The following PCDH7 variants were observed in gnomAD, a reference collection of about 807,000 sequenced individuals.
PCDH7 encodes the protein protocadherin-7.
In PCDH7, 17 loss-of-function variants were observed where a neutral mutation model predicts 58.9. The observed-to-expected ratio is 0.29, with a 90% CI of 0.20 to 0.43. The LOEUF (loss-of-function observed/expected upper bound fraction) is 0.43, where lower values mean the gene tolerates loss of function less well. PCDH7 is among the 20% of genes least tolerant of loss of function. The pLI, the probability that PCDH7 is intolerant of heterozygous loss-of-function variation, is 1.00. For synonymous variants in PCDH7, 664 were observed against 616.4 expected, an observed-to-expected ratio of 1.08 and a Z score of -1.14; for missense variants, 1,274 against 1,441.0, an observed-to-expected ratio of 0.88 and a Z score of 1.88.
chr4:30,774,733 T>A (rs758230827), intron 1 of PCDH7, among the ~76,000 whole-genome samples: 16 of 152,212 alleles, frequency 1.1e-4, no homozygotes, highest in Non-Finnish European at 2.2e-4. Flanking sequence ...AATAGAAGAT[T>A]TCTGCTCTTA....
chr4:30,865,086 T>G (rs1298010052), intron 1 of PCDH7, among the ~76,000 whole-genome samples: 2 of 152,042 alleles, frequency 1.3e-5, no homozygotes, highest in Admixed American at 1.3e-4. Context: ...AGTTGCTTAG[T>G]GCTTATTTTT....
chr4:31,088,323 TG>T (rs1712746642), intron 3 of PCDH7, among the ~76,000 whole-genome samples: 1 of 152,072 alleles, frequency 6.6e-6, no homozygotes, highest in South Asian at 2.1e-4. Flanking sequence ...TGACTTTAGG[TG>T]TCCTGTTATC....
At chr4:30,962,666 C>G (rs1407413976) in intron 3 of PCDH7, among the ~76,000 whole-genome samples, 1 of 149,702 alleles carries the variant, frequency 6.7e-6, no homozygotes, top group Non-Finnish European at 1.5e-5. Flanking sequence ...TCTGTAGTGG[C>G]AGCTATTCTG....
At chr4:31,136,905 A>G (rs920211630) in intron 3 of PCDH7, among the ~76,000 whole-genome samples, 6 of 35,934 alleles carry the variant, frequency 1.7e-4, no homozygotes, top group Admixed American at 1.4e-3. Context: ...GTTAACCAGC[A>G]TTTAATTATT....
intron 1 of PCDH7, among the ~76,000 whole-genome samples, chr4:30,785,700 C>T (rs1471199085): frequency 6.6e-6 from 1 of 151,948 alleles, no homozygotes; most frequent in African/African-American, 2.4e-5. Flanking sequence ...GTCCAACATT[C>T]AGTGAAATAA....
At chr4:30,949,573 C>T (rs1403182519) in intron 2 of PCDH7, among the ~76,000 whole-genome samples, 2 of 152,052 alleles carry the variant, frequency 1.3e-5, no homozygotes, top group African/African-American at 4.8e-5. Context: ...AGTTTGACCT[C>T]CTCCAGTATA....
chr4:30,748,967 A>G (rs779159934), intron 1 of PCDH7, among the ~76,000 whole-genome samples: 6 of 152,106 alleles, frequency 3.9e-5, no homozygotes, highest in Non-Finnish European at 7.4e-5. Context: ...CTCTCTTACA[A>G]CTATGTCATA....
rs530891880 is a variant in PCDH7 at position 31,081,443 on chromosome 4, A to G, written c.*8-61030A>G. Among the ~76,000 whole-genome samples, 26 of 152,336 alleles carry G rather than the reference A, an allele frequency of 1.7e-4. No individual in the cohort carries two copies. In the South Asian group the frequency reaches 5.2e-3, roughly 30 times the overall value. ...TTCTTATATAACATTTTATAAATGG[A>G]AATGTGATAGATTTAGAAACATTAC... On this transcript the variant is annotated intron_variant, in intron 3 of 3. Transcript: ENST00000509759.
chr4:30,954,391 A>G (rs1157821140), intron 3 of PCDH7, among the ~76,000 whole-genome samples: 1 of 152,092 alleles, frequency 6.6e-6, no homozygotes, highest in African/African-American at 2.4e-5. Context: ...AATATTCTCA[A>G]GAGTTCCAGT....
intron 3 of PCDH7, among the ~76,000 whole-genome samples, chr4:31,029,791 C>T (rs955366031): frequency 2.6e-5 from 4 of 152,058 alleles, no homozygotes; most frequent in Non-Finnish European, 5.9e-5. Flanking sequence ...GTATGAAGCC[C>T]TTAGCTCTGG....
At chr4:31,031,972 C>A (rs1754959323) in intron 3 of PCDH7, among the ~76,000 whole-genome samples, 1 of 152,200 alleles carries the variant, frequency 6.6e-6, no homozygotes, top group Non-Finnish European at 1.5e-5. Context: ...CTATATGGGG[C>A]TAACTCATTT....
chr4:30,828,792 A>G (rs1410376737), intron 1 of PCDH7, among the ~76,000 whole-genome samples: 5 of 151,868 alleles, frequency 3.3e-5, no homozygotes, highest in Admixed American at 2.0e-4. Context: ...TTTGTCATTT[A>G]TAAGACTCTC....
At chr4:30,955,479 ATTTAT>A (rs1747757445) in intron 3 of PCDH7, among the ~76,000 whole-genome samples, 1 of 149,796 alleles carries the variant, frequency 6.7e-6, no homozygotes, top group African/African-American at 2.5e-5. Context: ...CACTATTTTT[ATTTAT>A]TTTATTTTAT....
intron 3 of PCDH7, among the ~76,000 whole-genome samples, chr4:31,014,209 CAG>C (rs1045283867): frequency 5.3e-5 from 8 of 149,894 alleles, no homozygotes; most frequent in Non-Finnish European, 1.0e-4. Flanking sequence ...GTCAGGGAAA[CAG>C]AAAAAAAATA....
chr4:31,120,785 A>C (rs1717598841), intron 3 of PCDH7, among the ~76,000 whole-genome samples: 1 of 152,080 alleles, frequency 6.6e-6, no homozygotes, highest in South Asian at 2.1e-4. Flanking sequence ...AAATCCTTTT[A>C]CCTCTTTCAC....
intron 1 of PCDH7, among the ~76,000 whole-genome samples, chr4:30,898,795 G>A (rs1477637256): frequency 1.3e-5 from 2 of 152,144 alleles, no homozygotes; most frequent in East Asian, 1.9e-4. Flanking sequence ...GTTTCACTGT[G>A]TTAGCCAGGA....
chr4:30,925,760 A>T (rs566557585), intron 2 of PCDH7: 31 of 152,296 alleles, frequency 2.0e-4, no homozygotes, highest in African/African-American at 7.0e-4. Flanking sequence ...ATATAGAGAG[A>T]TGGATTATAG....
chr4:30,823,773 A>G (rs1055133227), intron 1 of PCDH7, among the ~76,000 whole-genome samples: 10 of 152,154 alleles, frequency 6.6e-5, no homozygotes, highest in African/African-American at 2.2e-4. Flanking sequence ...CTAGAATAGG[A>G]TAGGGCTAAC....
At chr4:31,112,495 C>G (rs1472734964) in intron 3 of PCDH7, among the ~76,000 whole-genome samples, 1 of 152,154 alleles carries the variant, frequency 6.6e-6, no homozygotes, top group Non-Finnish European at 1.5e-5. Flanking sequence ...TACTTAACAT[C>G]TTTCATGAGG....
Sources: allele counts gnomAD v4.1 joint callset (sites outside exome capture counted in the v4.1 genomes callset), GRCh38; gene constraint gnomAD v4.1.1; transcripts MANE v1.5; gene names NCBI Gene and HGNC (gene_info 2026-07-23, HGNC 2026-07-21).